KIAA0825: variants seen among roughly 807,000 people sequenced by gnomAD.
The protein encoded by KIAA0825 is uncharacterized protein KIAA0825.
In KIAA0825, 119 loss-of-function variants were observed where a neutral mutation model predicts 147.6. The ratio of observed to expected loss-of-function variants is 0.81; its 90% confidence interval spans 0.69 to 0.94. The LOEUF (loss-of-function observed/expected upper bound fraction) is 0.94. KIAA0825 is among the 40% of genes least tolerant of loss of function. The pLI is 0.00. For synonymous variants in KIAA0825, 470 were observed against 518.1 expected (o/e 0.91, Z 1.26); for missense variants, 1,381 against 1,472.7 (o/e 0.94, Z 1.02).
intron 6 of KIAA0825, among the ~76,000 whole-genome samples, chr5:94,479,748 A>G (rs1762286125): frequency 2.0e-5 from 3 of 152,118 alleles, no homozygotes; most frequent in African/African-American, 7.2e-5. Flanking sequence ...CATCCTTGCC[A>G]GAATTTGGTG....
At position 94,436,639 on chromosome 5, in the gene KIAA0825, T is replaced by A. The variant is rs1756410792; in HGVS notation, c.2497+3343A>T. Reference sequence around the variant, plus strand: ...TGGTTCCATATGAATTAAAATAGTTTTTTTCTAGTTCTGTGAAGAATGTCA... The same window carrying A: ...TGGTTCCATATGAATTAAAATAGTTATTTTCTAGTTCTGTGAAGAATGTCA... On this transcript the variant is annotated intron_variant, in intron 14 of 20. Transcript: ENST00000682413. Among the ~76,000 whole-genome samples, 3 of 152,218 alleles carry A rather than the reference T, an allele frequency of 2.0e-5. No homozygotes were observed. The South Asian group carries it at 6.2e-4, about 32-fold the overall frequency.
chr5:94,512,043 G>A (rs564495234), intron 5 of KIAA0825, among the ~76,000 whole-genome samples: 1 of 152,014 alleles, frequency 6.6e-6, no homozygotes, highest in Admixed American at 6.5e-5. Context: ...TAAATGTGAT[G>A]CTGATGGTAG....
At chr5:94,241,811 G>A (rs1381506725) in intron 20 of KIAA0825, among the ~76,000 whole-genome samples, 1 of 152,030 alleles carries the variant, frequency 6.6e-6, no homozygotes, top group Non-Finnish European at 1.5e-5. Context: ...ATGTAAATCA[G>A]GTTCCCAGAA....
chr5:94,610,822 A>G (rs1788630813), intron 1 of KIAA0825, among the ~76,000 whole-genome samples: 2 of 148,746 alleles, frequency 1.3e-5, no homozygotes, highest in South Asian at 2.1e-4. Context: ...AAAAGATTAA[A>G]AAAAAAGTCA....
intron 20 of KIAA0825, among the ~76,000 whole-genome samples, chr5:94,317,395 C>A (rs551774088): frequency 6.6e-6 from 1 of 151,916 alleles, no homozygotes; most frequent in African/African-American, 2.4e-5. Context: ...CAGCACTGCA[C>A]AGATCTACTC....
chr5:94,520,968 A>T, intron 4 of KIAA0825, 51 bp from the exon 5 acceptor site: 2 of 1,340,516 alleles, frequency 1.5e-6, no homozygotes, highest in Non-Finnish European at 2.0e-6. Flanking sequence ...AGAAAAAATG[A>T]TTTCTATAGT....
chr5:94,371,395 C>T (rs1414946579), intron 20 of KIAA0825, among the ~76,000 whole-genome samples: 1 of 152,082 alleles, frequency 6.6e-6, no homozygotes, highest in Non-Finnish European at 1.5e-5. Flanking sequence ...TAGGGACATA[C>T]CCAAGACTGG....
At chr5:94,482,393 C>T (rs1254273747) in intron 6 of KIAA0825, among the ~76,000 whole-genome samples, 2 of 152,016 alleles carry the variant, frequency 1.3e-5, no homozygotes, top group African/African-American at 4.8e-5. Context: ...ACATAGACAT[C>T]GTAGGCAACT....
At chr5:94,315,187 G>A (rs1779534189) in intron 20 of KIAA0825, among the ~76,000 whole-genome samples, 1 of 151,440 alleles carries the variant, frequency 6.6e-6, no homozygotes, top group Admixed American at 6.6e-5. Context: ...AATTTTCTAG[G>A]CCTGGCATGA....
At chr5:94,204,827 T>A (rs1772007456) in intron 20 of KIAA0825, among the ~76,000 whole-genome samples, 1 of 152,172 alleles carries the variant, frequency 6.6e-6, no homozygotes, top group Non-Finnish European at 1.5e-5. Context: ...AACTTCCATA[T>A]CTGGTGAACA....
intron 6 of KIAA0825, 113 bp from the exon 7 acceptor site, chr5:94,477,318 GTACA>G (rs1762006825): frequency 1.6e-6 from 1 of 640,710 alleles, no homozygotes; most frequent in Non-Finnish European, 2.7e-6. Flanking sequence ...TCTATCCACA[GTACA>G]TACATACATA....
At chr5:94,604,031 T>A (rs949378391) in intron 1 of KIAA0825, among the ~76,000 whole-genome samples, 5 of 152,022 alleles carry the variant, frequency 3.3e-5, no homozygotes, top group African/African-American at 1.2e-4. Flanking sequence ...AGACAGAAAA[T>A]TAACAAAGAT....
chr5:94,537,447 TG>T (rs1772283359), intron 2 of KIAA0825, among the ~76,000 whole-genome samples: 1 of 151,882 alleles, frequency 6.6e-6, no homozygotes, highest in Non-Finnish European at 1.5e-5. Context: ...GTCAGGAGAT[TG>T]AGACCATCCT....
chr5:94,392,287 T>C (rs1750003378), intron 17 of KIAA0825, among the ~76,000 whole-genome samples: 1 of 152,216 alleles, frequency 6.6e-6, no homozygotes, highest in Non-Finnish European at 1.5e-5. Flanking sequence ...CCCACTCCTG[T>C]TTCTTTCTGT....
intron 1 of KIAA0825, among the ~76,000 whole-genome samples, chr5:94,583,010 C>A (rs191748478): frequency 2.0e-5 from 3 of 152,280 alleles, no homozygotes; most frequent in Admixed American, 2.0e-4. Flanking sequence ...TTTCCCCATT[C>A]TTCTGGGTGA....
intron 10 of KIAA0825, among the ~76,000 whole-genome samples, chr5:94,465,260 T>C (rs993829398): frequency 6.6e-6 from 1 of 152,250 alleles, no homozygotes. Context: ...CTAGATATTC[T>C]AGTGCAAATC....
intron 20 of KIAA0825, among the ~76,000 whole-genome samples, chr5:94,222,973 T>G (rs1246503804): frequency 6.6e-6 from 1 of 152,120 alleles, no homozygotes; most frequent in African/African-American, 2.4e-5. Flanking sequence ...TAAATTCTAC[T>G]TTCTTAGCAA....
At chr5:94,166,259 C>T (rs907631201) in intron 20 of KIAA0825, among the ~76,000 whole-genome samples, 1 of 152,082 alleles carries the variant, frequency 6.6e-6, no homozygotes, top group Non-Finnish European at 1.5e-5. Flanking sequence ...AGACAGAGAG[C>T]GTTCATTATA....
intron 20 of KIAA0825, among the ~76,000 whole-genome samples, chr5:94,226,163 AC>A (rs1774144551): frequency 6.6e-6 from 1 of 152,248 alleles, no homozygotes; most frequent in Non-Finnish European, 1.5e-5. Context: ...AAACAAATTT[AC>A]AAGAACAAAA....
Sources: gnomAD v4.1 joint callset for allele counts (sites outside exome capture counted in the v4.1 genomes callset) on GRCh38, gnomAD v4.1.1 for gene constraint, MANE v1.5 for transcripts, NCBI Gene and HGNC (gene_info 2026-07-23, HGNC 2026-07-21) for gene names.